The following PAK5 variants were observed in gnomAD, a reference collection of about 807,000 sequenced individuals.
The protein encoded by PAK5 is p21 (RAC1) activated kinase 5, also known as serine/threonine-protein kinase PAK 5.
Under a neutral mutation model 65.9 loss-of-function variants are expected in PAK5, and 16 were observed. That is an observed-to-expected ratio of 0.24 (90% confidence interval 0.16 to 0.37). The LOEUF is 0.37. Among genes scored for constraint, PAK5 ranks in the 10% least tolerant of loss-of-function variants. PAK5 has a pLI of 1.00. For missense variants in PAK5, 785 were observed against 903.9 expected (o/e 0.87, Z 1.69); for synonymous variants, 371 against 354.9 (o/e 1.05, Z -0.51).
intron 2 of PAK5, among the ~76,000 whole-genome samples, chr20:9,700,283 C>T (rs539352221): frequency 4.3e-4 from 66 of 152,240 alleles, no homozygotes; most frequent in Non-Finnish European, 8.2e-4. Context: ...TGATGGAAAG[C>T]ACCTGTGGTC....
Position 9,544,394 on chromosome 20 carries a change from A to T in PAK5, c.1844T>A (p.Ile615Asn), listed in dbSNP as rs986058662. 2.5e-6 allele frequency: 4 copies of T among 1,613,998 alleles called. No homozygotes were observed. The South Asian group carries it at 4.4e-5, about 18-fold the overall frequency. The change falls in exon 8 of 10, where the codon ATT becomes AAT. Residue 615 changes from isoleucine (I) to asparagine (N), a missense_variant. Physicochemically the swap from Ile to Asn is moderately radical, Grantham distance 149. Around this residue, in one of 4 missense-constraint regions of PAK5, gnomAD observed 182 missense variants for 273.0 expected, o/e 0.67. Coordinates refer to ENST00000353224, the MANE Select transcript of PAK5 (RefSeq NM_177990.4). ...CTCTGTCCCATAAGGTAGCCTAGAA[A>T]TCACCTCAGGGGCCATCCAGTAGGG... is the stretch of plus-strand genomic sequence containing the variant. The part of the protein sequence containing the change: ...GTPYWMAPEV[I>N]SRLPYGTEVD...
intron 4 of PAK5, among the ~76,000 whole-genome samples, chr20:9,571,864 GCATGAATGAT>G: frequency 2.4e-5 from 3 of 124,164 alleles, no homozygotes; most frequent in African/African-American, 9.8e-5. Flanking sequence ...ACAGAGATAG[GCATGAATGAT>G]GGGGGGGGGG....
At chr20:9,551,803 A>C (rs1259925586) in intron 7 of PAK5, among the ~76,000 whole-genome samples, 2 of 152,148 alleles carry the variant, frequency 1.3e-5, no homozygotes, top group African/African-American at 2.4e-5. Context: ...GTGAACCAGA[A>C]TCTCTGGGGT....
At chr20:9,759,949 A>G (rs1569076460) in intron 1 of PAK5, among the ~76,000 whole-genome samples, 1 of 152,208 alleles carries the variant, frequency 6.6e-6, no homozygotes, top group Non-Finnish European at 1.5e-5. Flanking sequence ...CTTTTAGGAA[A>G]GAATACAGCT....
chr20:9,630,950 C>G (rs935416013), intron 3 of PAK5, among the ~76,000 whole-genome samples: 2 of 152,194 alleles, frequency 1.3e-5, no homozygotes, highest in Admixed American at 1.3e-4. Context: ...TATAATTTGT[C>G]TCTTTGGCTT....
intron 1 of PAK5, among the ~76,000 whole-genome samples, chr20:9,803,089 T>C (rs909256914): frequency 2.0e-5 from 3 of 151,368 alleles, no homozygotes; most frequent in Non-Finnish European, 4.4e-5. Context: ...ACACTATTAT[T>C]TGAAGAACAC....
chr20:9,838,130 G>A lies in PAK5; in HGVS notation c.-162+632C>T, dbSNP rs1293901275. ...TCCTCTTCCACGCCCTGCTCACAAGGGTGCCCACAAGCAGAAGTTCTCTCT... is the reference window on the plus strand; with the variant it reads ...TCCTCTTCCACGCCCTGCTCACAAGAGTGCCCACAAGCAGAAGTTCTCTCT... On this transcript the variant is annotated intron_variant, in intron 1 of 9. Coordinates refer to ENST00000353224, the MANE Select transcript of PAK5 (RefSeq NM_177990.4). This position sits in a 1 kb window ranked among gnomAD's most constrained non-coding sequence, Gnocchi z 4.5. Among the ~76,000 whole-genome samples, 1 of 151,574 alleles carries A rather than the reference G, an allele frequency of 6.6e-6. No individual in the cohort carries two copies. The highest frequency in any genetic ancestry group is 2.4e-5 in the African/African-American group (1 of 41,210).
chr20:9,597,152 C>A (rs193101745), intron 3 of PAK5, among the ~76,000 whole-genome samples: 1 of 152,180 alleles, frequency 6.6e-6, no homozygotes, highest in Non-Finnish European at 1.5e-5. Flanking sequence ...AACTATGAAG[C>A]CTTCACCAAA....
intron 1 of PAK5, among the ~76,000 whole-genome samples, chr20:9,749,018 G>A (rs1225799875): frequency 6.6e-6 from 1 of 151,104 alleles, no homozygotes; most frequent in Non-Finnish European, 1.5e-5. Flanking sequence ...AGGTTAGTTT[G>A]GTTATCTTTA....
intron 2 of PAK5, among the ~76,000 whole-genome samples, chr20:9,695,680 C>G (rs902823070): frequency 6.6e-6 from 1 of 151,954 alleles, no homozygotes; most frequent in Non-Finnish European, 1.5e-5. Flanking sequence ...AAGGAATCTT[C>G]CAGTGAATAT....
intron 1 of PAK5, among the ~76,000 whole-genome samples, chr20:9,804,954 G>A (rs1471757043): frequency 6.6e-6 from 1 of 151,568 alleles, no homozygotes; most frequent in Non-Finnish European, 1.5e-5. Context: ...CCACAAAATG[G>A]GATAAAATAA....
chr20:9,802,910 GTATATATATATATA>G (rs57705525), intron 1 of PAK5, among the ~76,000 whole-genome samples: 2 of 46,364 alleles, frequency 4.3e-5, no homozygotes, highest in African/African-American at 1.6e-4. Context: ...ATATGTATGT[GTATATATATATATA>G]TATATATATG....
chr20:9,823,256 G>A (rs924743475), intron 1 of PAK5, among the ~76,000 whole-genome samples: 1 of 152,136 alleles, frequency 6.6e-6, no homozygotes, highest in African/African-American at 2.4e-5. Flanking sequence ...CTGGTGCCTT[G>A]ATCTTGGACT....
intron 3 of PAK5, among the ~76,000 whole-genome samples, chr20:9,643,698 A>G (rs1280736866): frequency 6.6e-6 from 1 of 152,168 alleles, no homozygotes; most frequent in Non-Finnish European, 1.5e-5. Context: ...ATTAAAATCT[A>G]TTGGTAGTAA....
intron 3 of PAK5, among the ~76,000 whole-genome samples, chr20:9,591,932 TA>T (rs1259097312): frequency 6.6e-6 from 1 of 152,184 alleles, no homozygotes; most frequent in Non-Finnish European, 1.5e-5. Flanking sequence ...AATCTGGAAA[TA>T]AAACCAGTAG....
intron 1 of PAK5, among the ~76,000 whole-genome samples, chr20:9,833,871 C>T (rs991474718): frequency 2.0e-5 from 3 of 152,052 alleles, no homozygotes; most frequent in Admixed American, 1.3e-4. Flanking sequence ...TCTTATTATT[C>T]ACGAGTATTT....
chr20:9,802,910 G>GTGTGTGTATATATATATATA lies in PAK5; in HGVS notation c.-162+35851_-162+35852insTATATATATATATACACACA, dbSNP rs142279832. On this transcript the variant is annotated intron_variant, in intron 1 of 9. Transcript: ENST00000353224. ...CTTCTGTACTATTGTATATGTATGT[G>GTGTGTGTATATATATATATA]TATATATATATATATATATATATGA... is the stretch of plus-strand genomic sequence containing the variant. Among the ~76,000 whole-genome samples the GTGTGTGTATATATATATATA allele has an allele frequency of 2.8e-3, 132 of 46,372 alleles. 1 individual carries two copies. Among genetic ancestry groups the GTGTGTGTATATATATATATA allele is most frequent in the African/African-American group, 9.7e-3 (121 of 12,510 alleles). 30.4% of individuals were successfully genotyped at this position (46,372 alleles called of 152,430 possible).
chr20:9,605,592 G>C (rs2046438941), intron 3 of PAK5, among the ~76,000 whole-genome samples: 1 of 152,178 alleles, frequency 6.6e-6, no homozygotes, highest in Non-Finnish European at 1.5e-5. Flanking sequence ...CACAGTGTCA[G>C]GTATACAGTG....
At chr20:9,582,196 A>G (rs757521922) in intron 3 of PAK5, among the ~76,000 whole-genome samples, 1 of 152,184 alleles carries the variant, frequency 6.6e-6, no homozygotes, top group East Asian at 1.9e-4. Flanking sequence ...AGGAAACTCC[A>G]TGTTCCTATA....
Sources: allele counts gnomAD v4.1 joint callset (sites outside exome capture counted in the v4.1 genomes callset), GRCh38; gene constraint gnomAD v4.1.1; regional missense constraint gnomAD v4.1.1; non-coding constraint Gnocchi (gnomAD v3.1); transcripts MANE v1.5; gene names NCBI Gene and HGNC (gene_info 2026-07-23, HGNC 2026-07-21).